Variants in ERICH6B observed in about 807,000 individuals in gnomAD.
ERICH6B encodes the protein glutamate-rich protein 6B.
ERICH6B carries 69 observed loss-of-function variants against 80.0 expected under a neutral mutation model. The ratio of observed to expected loss-of-function variants is 0.86; its 90% CI spans 0.71 to 1.05. ERICH6B has a LOEUF of 1.05. Ranked by LOEUF, ERICH6B falls within the 50% of genes least tolerant of loss-of-function variation. ERICH6B has a pLI of 0.00. For synonymous variants in ERICH6B, 283 were observed against 291.9 expected, an observed-to-expected ratio of 0.97 and a Z score of 0.31; for missense variants, 754 against 796.1, an observed-to-expected ratio of 0.95 and a Z score of 0.64.
chr13:45,552,377 A>C (rs1048389739), intron 11 of ERICH6B, among the ~76,000 whole-genome samples: 1 of 152,016 alleles, frequency 6.6e-6, no homozygotes, highest in Non-Finnish European at 1.5e-5. Context: ...CCTGGCTCAG[A>C]AGCTCACTCT....
intron 4 of ERICH6B, among the ~76,000 whole-genome samples, chr13:45,589,780 G>A (rs1004973403): frequency 6.6e-6 from 1 of 151,900 alleles, no homozygotes; most frequent in Non-Finnish European, 1.5e-5. Flanking sequence ...TGGGGTGAAC[G>A]GGGGCCTTTG....
intron 7 of ERICH6B, among the ~76,000 whole-genome samples, chr13:45,577,642 C>T (rs1422079251): frequency 1.3e-5 from 2 of 152,204 alleles, no homozygotes; most frequent in African/African-American, 2.4e-5. Flanking sequence ...GGGACAGGGT[C>T]TCTCTCTGTA....
chr13:45,557,201 C>A (rs1250119365), intron 11 of ERICH6B, among the ~76,000 whole-genome samples: 1 of 152,110 alleles, frequency 6.6e-6, no homozygotes, highest in African/African-American at 2.4e-5. Context: ...TGATGTTGAG[C>A]ATTTTTTCAC....
rs776312185 is a variant in ERICH6B, at chr13:45,587,185, G to A, written c.734C>T (p.Pro245Leu). ...PSQVTTFLTV[P>L]LTFATPSPVS... The stretch of plus-strand genomic sequence containing the variant: ...AGGAGAAGGGGTAGCGAAAGTCAAC[G>A]GGACAGTCAAGAAGGTGGTCACCTG... Residue 245 changes from proline (P) to leucine (L), a missense_variant, in exon 5 of 15, where the codon CCG becomes CTG. Coordinates refer to ENST00000298738, the MANE Select transcript of ERICH6B (RefSeq NM_182542.3). 14 of 1,551,528 alleles carry A rather than the reference G, an allele frequency of 9.0e-6. No individual in the cohort carries two copies. The highest frequency in any genetic ancestry group is 5.9e-5 in the South Asian group (5 of 84,050).
chr13:45,555,081 G>A (rs903209275), intron 11 of ERICH6B, among the ~76,000 whole-genome samples: 12 of 152,136 alleles, frequency 7.9e-5, no homozygotes, highest in African/African-American at 2.4e-4. Flanking sequence ...TGTTAGTGGG[G>A]AGGGGGCGCC....
intron 10 of ERICH6B, among the ~76,000 whole-genome samples, chr13:45,561,896 A>G (rs531619574): frequency 6.6e-6 from 1 of 152,348 alleles, no homozygotes; most frequent in African/African-American, 2.4e-5. Flanking sequence ...AGGAATGCTC[A>G]CACAGTGAAT....
chr13:45,577,827 A>G (rs1489386767), intron 7 of ERICH6B, among the ~76,000 whole-genome samples: 1 of 152,124 alleles, frequency 6.6e-6, no homozygotes, highest in East Asian at 1.9e-4. Context: ...TCTTGGCCTC[A>G]AGTGATCCTC....
intron 2 of ERICH6B, among the ~76,000 whole-genome samples, chr13:45,600,234 TG>T (rs1448178789): frequency 2.6e-5 from 4 of 152,208 alleles, no homozygotes; most frequent in Non-Finnish European, 4.4e-5. Flanking sequence ...AAGACAGAGC[TG>T]GGATGGCTAG....
intron 4 of ERICH6B, among the ~76,000 whole-genome samples, chr13:45,587,806 T>G (rs1395029505): frequency 6.6e-6 from 1 of 152,178 alleles, no homozygotes; most frequent in South Asian, 2.1e-4. Flanking sequence ...ACTATGTTCT[T>G]TCTCAGGAGT....
intron 11 of ERICH6B, among the ~76,000 whole-genome samples, chr13:45,551,809 C>T (rs1383467733): frequency 6.6e-6 from 1 of 152,170 alleles, no homozygotes; most frequent in Admixed American, 6.5e-5. Context: ...CTCTCGTTCT[C>T]TCTCTTGCCC....
At chr13:45,614,769 A>G (rs1224657835) in intron 1 of ERICH6B, among the ~76,000 whole-genome samples, 4 of 152,230 alleles carry the variant, frequency 2.6e-5, no homozygotes, top group African/African-American at 9.7e-5. Context: ...ATCATCTACC[A>G]TAGCTGTTTA....
At chr13:45,589,819 C>T (rs571824363) in intron 4 of ERICH6B, among the ~76,000 whole-genome samples, 2 of 152,306 alleles carry the variant, frequency 1.3e-5, no homozygotes, top group South Asian at 4.1e-4. Context: ...TGTGCATCAC[C>T]TGCAGTGGAG....
intron 2 of ERICH6B, among the ~76,000 whole-genome samples, chr13:45,607,072 C>T (rs377722923): frequency 4.6e-5 from 7 of 152,076 alleles, no homozygotes; most frequent in African/African-American, 1.4e-4. Context: ...TGGGGAAGCA[C>T]GCTGTGGTGA....
Position 45,563,796 on chromosome 13 carries a change from G to T in ERICH6B, c.1188-8C>A, listed in dbSNP as rs78583144. 1,948 of 1,551,518 alleles carry T rather than the reference G, an allele frequency of 1.3e-3. 28 individuals carry two copies. In the African/African-American group the frequency reaches 0.023, roughly 18 times the overall value. ...TCATAATTTTTCTTCAGCCTAAAAG[G>T]AAAGTGGATCATCTTTAGAAGCCAA... On this transcript the variant is annotated splice_region_variant and splice_polypyrimidine_tract_variant and intron_variant, in intron 9 of 14. Transcript: ENST00000298738.
chr13:45,578,738 T>C (rs149294020), intron 7 of ERICH6B, among the ~76,000 whole-genome samples: 38 of 152,310 alleles, frequency 2.5e-4, no homozygotes, highest in African/African-American at 9.1e-4. Context: ...GTGTGGTCCA[T>C]GGATAAGGGA....
intron 9 of ERICH6B, among the ~76,000 whole-genome samples, chr13:45,565,022 T>C (rs1474787495): frequency 1.3e-5 from 2 of 152,184 alleles, no homozygotes; most frequent in Non-Finnish European, 2.9e-5. Flanking sequence ...GCACATGAAA[T>C]ATCTGTTGAA....
intron 5 of ERICH6B, among the ~76,000 whole-genome samples, chr13:45,584,447 T>C (rs1185174843): frequency 6.6e-6 from 1 of 152,218 alleles, no homozygotes; most frequent in Non-Finnish European, 1.5e-5. Flanking sequence ...GAACACGATT[T>C]TTGACTCATT....
chr13:45,573,636 G>A (rs1411996521), intron 8 of ERICH6B, among the ~76,000 whole-genome samples: 2 of 152,148 alleles, frequency 1.3e-5, no homozygotes, highest in Admixed American at 6.5e-5. Flanking sequence ...GGAATGGCAC[G>A]GTGCTTGTGA....
intron 7 of ERICH6B, among the ~76,000 whole-genome samples, chr13:45,576,484 C>A (rs1436969013): frequency 1.3e-5 from 2 of 152,162 alleles, no homozygotes; most frequent in Non-Finnish European, 2.9e-5. Flanking sequence ...GAAAACCCAG[C>A]AAGAATCCTT....
Sources: gnomAD v4.1 joint callset for allele counts (sites outside exome capture counted in the v4.1 genomes callset) on GRCh38, gnomAD v4.1.1 for gene constraint, MANE v1.5 for transcripts, NCBI Gene and HGNC (gene_info 2026-07-23, HGNC 2026-07-21) for gene names.